Variants in CCL28 observed in about 807,000 individuals in gnomAD.
CCL28 encodes C-C motif chemokine 28.
CCL28 carries 4 observed loss-of-function variants against 7.1 expected under a neutral mutation model. That is an observed-to-expected ratio of 0.56 (90% CI 0.28 to 1.29). CCL28 has a LOEUF of 1.29. Among genes scored for constraint, CCL28 ranks in the 50% most tolerant of loss-of-function variants. The probability of loss-of-function intolerance (pLI) is 0.11; values close to 1 mark genes in which losing one functional copy is unlikely to be tolerated. For synonymous variants in CCL28, 55 were observed against 57.8 expected (o/e 0.95, Z 0.22); for missense variants, 151 against 163.4 (o/e 0.92, Z 0.41).
chr5:43,393,357 T>A (rs1487101524), intron 1 of CCL28, among the ~76,000 whole-genome samples: 1 of 150,768 alleles, frequency 6.6e-6, no homozygotes, highest in East Asian at 1.9e-4. Flanking sequence ...TTTTTTTTTT[T>A]CTTTTCTTTT....
At chr5:43,365,720 G>T in the CCL28 span, among the ~76,000 whole-genome samples, 1 of 152,170 alleles carries the variant, frequency 6.6e-6, no homozygotes, top group Non-Finnish European at 1.5e-5. Flanking sequence ...GCTAGGTTGG[G>T]CTAGTTCTCC....
chr5:43,396,669 G>A (rs1740816774), intron 1 of CCL28, among the ~76,000 whole-genome samples: 1 of 151,890 alleles, frequency 6.6e-6, no homozygotes, highest in Non-Finnish European at 1.5e-5. Context: ...AGCCCTAAAT[G>A]CATTTATTTA....
chr5:43,376,026 ACT>A (rs1485539680), downstream of CCL28, among the ~76,000 whole-genome samples: 2 of 152,262 alleles, frequency 1.3e-5, no homozygotes, highest in South Asian at 2.1e-4. Flanking sequence ...CAAGAGCGAA[ACT>A]CTGTCTCAAA....
At chr5:43,400,896 A>G (rs1740999158) in intron 1 of CCL28, among the ~76,000 whole-genome samples, 1 of 151,994 alleles carries the variant, frequency 6.6e-6, no homozygotes, top group Non-Finnish European at 1.5e-5. Context: ...AGCCTGACTA[A>G]CATGGTGAAA....
chr5:43,366,419 G>T, the CCL28 span, among the ~76,000 whole-genome samples: 2 of 152,168 alleles, frequency 1.3e-5, no homozygotes, highest in Non-Finnish European at 2.9e-5. Flanking sequence ...TAACAGTCAG[G>T]CTCCTCTTCT....
In CCL28 at chr5:43,412,281, A is replaced by G. The variant is rs772242018; in HGVS notation, c.36T>C (p.Ala12=). The change falls in exon 1 of 3, where the codon GCT becomes GCC. Residue 12 remains alanine, a synonymous_variant. Coordinates refer to ENST00000361115, the MANE Select transcript of CCL28 (RefSeq NM_148672.3). The stretch of plus-strand genomic sequence containing the variant: ...CTGAGGCATGTAGGGCCGCACAGAC[A>G]GCCAAGGCCACGATGGCGAGTCCTC... The part of the protein sequence containing the change: ...QQRGLAIVAL[A]VCAALHASEA... The G allele has an allele frequency of 1.2e-6, 2 of 1,612,968 alleles. No individual in the cohort carries two copies. Among genetic ancestry groups the G allele is most frequent in the Admixed American group, 3.3e-5 (2 of 59,952 alleles).
intron 1 of CCL28, among the ~76,000 whole-genome samples, chr5:43,399,506 A>T (rs1740945095): frequency 1.3e-5 from 2 of 152,188 alleles, no homozygotes; most frequent in South Asian, 4.1e-4. Context: ...ACCCCCCACC[A>T]CATAGCACAT....
intron 1 of CCL28, among the ~76,000 whole-genome samples, chr5:43,392,975 A>G (rs74397781): frequency 0.011 from 1,647 of 152,294 alleles, 31 homozygotes; most frequent in African/African-American, 0.039. Flanking sequence ...CCATAGTCAG[A>G]TATCATAAAA....
At chr5:43,371,365 G>A in the CCL28 span, among the ~76,000 whole-genome samples, 1 of 152,142 alleles carries the variant, frequency 6.6e-6, no homozygotes, top group Non-Finnish European at 1.5e-5. Flanking sequence ...TCGACTTCTG[G>A]TGTTCATGCC....
the CCL28 span, among the ~76,000 whole-genome samples, chr5:43,363,739 G>T: frequency 1.3e-5 from 2 of 152,184 alleles, 1 homozygote; most frequent in Non-Finnish European, 2.9e-5. Context: ...AGATTAGAGT[G>T]TTGGTACCTC....
At chr5:43,404,629 T>C (rs544799102) in intron 1 of CCL28, among the ~76,000 whole-genome samples, 3 of 152,280 alleles carry the variant, frequency 2.0e-5, no homozygotes, top group Admixed American at 6.5e-5. Flanking sequence ...GCTAGCATCA[T>C]AATGACAGGA....
chr5:43,361,566 G>T, the CCL28 span, among the ~76,000 whole-genome samples: 76,346 of 151,888 alleles, frequency 0.5, 19,709 homozygotes, highest in Middle Eastern at 0.62. Context: ...TCTTTGCCAG[G>T]TTTTATGTCC....
At chr5:43,398,780 G>A (rs1240439229) in intron 1 of CCL28, among the ~76,000 whole-genome samples, 1 of 152,050 alleles carries the variant, frequency 6.6e-6, no homozygotes, top group Non-Finnish European at 1.5e-5. Context: ...AACCCGGGAG[G>A]TGGAGGTTGC....
chr5:43,359,171 C>T, the CCL28 span, among the ~76,000 whole-genome samples: 8 of 152,090 alleles, frequency 5.3e-5, no homozygotes, highest in African/African-American at 9.7e-5. Flanking sequence ...CCTAACCCAG[C>T]GGTGCTAGAA....
At chr5:43,398,189 G>A (rs1310957083) in intron 1 of CCL28, among the ~76,000 whole-genome samples, 4 of 151,634 alleles carry the variant, frequency 2.6e-5, no homozygotes, top group Non-Finnish European at 4.4e-5. Flanking sequence ...TGCCCTCAGG[G>A]CGCCTACAAT....
At chr5:43,398,718 G>A (rs540489160) in intron 1 of CCL28, among the ~76,000 whole-genome samples, 13 of 152,246 alleles carry the variant, frequency 8.5e-5, no homozygotes, top group African/African-American at 3.1e-4. Flanking sequence ...GGGCATGGTG[G>A]CAGACGCCAG....
At chr5:43,408,068 G>A (rs1316916954) in intron 1 of CCL28, among the ~76,000 whole-genome samples, 1 of 152,214 alleles carries the variant, frequency 6.6e-6, no homozygotes, top group Non-Finnish European at 1.5e-5. Flanking sequence ...CAACAATTGT[G>A]GAAGACAGTG....
downstream of CCL28, among the ~76,000 whole-genome samples, chr5:43,373,451 C>G (rs1255009523): frequency 6.6e-6 from 1 of 152,110 alleles, no homozygotes; most frequent in African/African-American, 2.4e-5. Flanking sequence ...CAGGCATGTG[C>G]CACCACGCCC....
chr5:43,369,643 C>A, the CCL28 span, among the ~76,000 whole-genome samples: 1 of 152,080 alleles, frequency 6.6e-6, no homozygotes. Context: ...AGGCTGGTCT[C>A]GAACTCCTGA....
Sources: gnomAD v4.1 joint callset for allele counts (sites outside exome capture counted in the v4.1 genomes callset) on GRCh38, gnomAD v4.1.1 for gene constraint, MANE v1.5 for transcripts, NCBI Gene and HGNC (gene_info 2026-07-23, HGNC 2026-07-21) for gene names.